Variants in SLC4A10 observed in about 807,000 individuals in gnomAD.
SLC4A10 encodes solute carrier family 4 member 10, also known as sodium-driven chloride bicarbonate exchanger.
In SLC4A10, 42 loss-of-function variants were observed where a neutral mutation model predicts 137.7. That is an observed-to-expected ratio of 0.30 (90% CI 0.24 to 0.39). The LOEUF is 0.39. Ranked by LOEUF, SLC4A10 falls within the 10% of genes least tolerant of loss-of-function variation. The pLI, the probability that SLC4A10 is intolerant of heterozygous loss-of-function variation, is 1.00. For missense variants in SLC4A10, 925 were observed against 1,355.0 expected (o/e 0.68, Z 4.98); for synonymous variants, 474 against 464.1 (o/e 1.02, Z -0.27).
chr2:161,748,686 G>A (rs1375000064), intron 1 of SLC4A10, among the ~76,000 whole-genome samples: 1 of 151,938 alleles, frequency 6.6e-6, no homozygotes, highest in Admixed American at 6.6e-5. Flanking sequence ...CTGTAGTTTT[G>A]TAATATAACT....
At chr2:161,730,748 C>T (rs1166513552) in intron 1 of SLC4A10, among the ~76,000 whole-genome samples, 3 of 152,096 alleles carry the variant, frequency 2.0e-5, no homozygotes, top group Admixed American at 2.0e-4. Context: ...AAAGGAAGAA[C>T]TAGTGTCAGT....
Position 161,872,363 on chromosome 2 carries a change from C to T in SLC4A10, c.837C>T (p.Asn279=). The change falls in exon 7 of 27, where the codon AAC becomes AAT. Residue 279 remains asparagine (N), a synonymous_variant. Coordinates refer to ENST00000446997, the MANE Select transcript of SLC4A10 (RefSeq NM_001178015.2). The part of the protein sequence containing the change: ...VENKNDVSRE[N]STVDFSKGLG... Reference sequence around the variant, plus strand: ...ATAAAAATGATGTTAGCAGAGAAAACAGCACTGTTGACTTTAGCAAGGTGA... The same window carrying T: ...ATAAAAATGATGTTAGCAGAGAAAATAGCACTGTTGACTTTAGCAAGGTGA... 1 of 1,613,488 alleles carries T rather than the reference C, an allele frequency of 6.2e-7. No individual in the cohort carries two copies. The highest frequency in any genetic ancestry group is 8.5e-7 in the Non-Finnish European group (1 of 1,179,616).
chr2:161,985,195 G>A lies in SLC4A10; in HGVS notation c.*2043G>A, dbSNP rs1003599290. On this transcript the variant is annotated 3_prime_UTR_variant, in exon 27 of 27. Transcript: ENST00000446997. ...TTTAAATAATGTGTAAATGTGACTA[G>A]GATATTGTGTTTTTCACAATTAAGA... 1 of 151,952 alleles carries A rather than the reference G, an allele frequency of 6.6e-6. No individual in the cohort carries two copies. Among genetic ancestry groups the A allele is most frequent in the Non-Finnish European group, 1.5e-5 (1 of 67,924 alleles). The allele number at this position is 151,952 out of a possible 1,614,324, so 9.4% of individuals were successfully genotyped here. A position where few individuals can be genotyped will look rare whatever the true frequency, so the allele number is the denominator to read the frequency against.
At chr2:161,917,096 G>C (rs536133645) in intron 15 of SLC4A10, among the ~76,000 whole-genome samples, 10 of 152,128 alleles carry the variant, frequency 6.6e-5, no homozygotes, top group African/African-American at 2.2e-4. Context: ...CTAAAGTTTT[G>C]CCTTTCCTAG....
At chr2:161,694,036 CAG>C (rs2042253200) in intron 1 of SLC4A10, among the ~76,000 whole-genome samples, 1 of 152,014 alleles carries the variant, frequency 6.6e-6, no homozygotes, top group African/African-American at 2.4e-5. Context: ...GAGGTCTCTT[CAG>C]AGACAACTGA....
At chr2:161,805,378 C>A (rs529403807) in intron 3 of SLC4A10, among the ~76,000 whole-genome samples, 1 of 152,136 alleles carries the variant, frequency 6.6e-6, no homozygotes, top group African/African-American at 2.4e-5. Flanking sequence ...CAAAACCAAT[C>A]GTGCCTTCCC....
intron 1 of SLC4A10, among the ~76,000 whole-genome samples, chr2:161,660,951 C>T (rs2038304957): frequency 6.6e-6 from 1 of 151,922 alleles, no homozygotes; most frequent in Non-Finnish European, 1.5e-5. Flanking sequence ...TGAGCCACCA[C>T]ACCCAGCCAT....
At chr2:161,673,832 A>T (rs1160726135) in intron 1 of SLC4A10, among the ~76,000 whole-genome samples, 1 of 152,122 alleles carries the variant, frequency 6.6e-6, no homozygotes, top group African/African-American at 2.4e-5. Flanking sequence ...TCTACTAAAA[A>T]TACAAAAATT....
chr2:161,858,090 C>A (rs1292146661), intron 5 of SLC4A10, among the ~76,000 whole-genome samples: 2 of 152,208 alleles, frequency 1.3e-5, no homozygotes, highest in Non-Finnish European at 1.5e-5. Context: ...TTTTCCTCAG[C>A]TCTTATTTAC....
intron 16 of SLC4A10, among the ~76,000 whole-genome samples, chr2:161,947,329 A>G (rs1693996978): frequency 6.6e-6 from 1 of 152,122 alleles, no homozygotes; most frequent in African/African-American, 2.4e-5. Context: ...ATCGTTTTAT[A>G]CATTTAAATT....
At chr2:161,751,196 C>T (rs1477786224) in intron 1 of SLC4A10, among the ~76,000 whole-genome samples, 3 of 151,734 alleles carry the variant, frequency 2.0e-5, no homozygotes, top group African/African-American at 7.2e-5. Flanking sequence ...CGTTTTCATT[C>T]AACTGCTCTC....
intron 1 of SLC4A10, among the ~76,000 whole-genome samples, chr2:161,708,464 A>G (rs752246147): frequency 6.6e-6 from 1 of 151,610 alleles, no homozygotes; most frequent in Admixed American, 6.6e-5. Context: ...GAAATGGGAA[A>G]TCTGAAGGAT....
chr2:161,636,707 A>G (rs1030822596), intron 1 of SLC4A10, among the ~76,000 whole-genome samples: 5 of 151,068 alleles, frequency 3.3e-5, no homozygotes, highest in African/African-American at 9.7e-5. Context: ...TATTTTTTTA[A>G]GAGACAAGGT....
intron 1 of SLC4A10, among the ~76,000 whole-genome samples, chr2:161,647,655 A>C (rs947785044): frequency 6.6e-6 from 1 of 152,326 alleles, no homozygotes; most frequent in Middle Eastern, 3.4e-3. Context: ...AAAAAGGGAA[A>C]ACTAGGTTGA....
At chr2:161,774,935 G>C (rs56374905) in intron 2 of SLC4A10, among the ~76,000 whole-genome samples, 11,056 of 151,880 alleles carry the variant, frequency 0.073, 471 homozygotes, top group East Asian at 0.15. Flanking sequence ...ACCGATAGAC[G>C]TACTTGGTAG....
chr2:161,635,727 A>T (rs908968478), intron 1 of SLC4A10, among the ~76,000 whole-genome samples: 5 of 152,162 alleles, frequency 3.3e-5, no homozygotes, highest in Admixed American at 1.3e-4. Flanking sequence ...GCTAAACTTT[A>T]ATTTTTCAGT....
intron 2 of SLC4A10, among the ~76,000 whole-genome samples, chr2:161,795,563 GTA>G (rs1389871065): frequency 6.6e-6 from 1 of 151,936 alleles, no homozygotes; most frequent in East Asian, 1.9e-4. Flanking sequence ...ATTATTATTA[GTA>G]TGTGTGTGTG....
intron 1 of SLC4A10, among the ~76,000 whole-genome samples, chr2:161,661,390 A>C (rs1246331196): frequency 1.3e-5 from 2 of 152,132 alleles, no homozygotes; most frequent in Non-Finnish European, 2.9e-5. Context: ...CAGGAGAATC[A>C]CTTGAACTGG....
rs190179982 is a variant in SLC4A10, at chr2:161,628,851, A to G, written c.48+4285A>G. On this transcript the variant is annotated intron_variant, in intron 1 of 26. Transcript: ENST00000446997. Reference sequence around the variant, plus strand: ...TTGAGTTTACTTATTTATTAATATTATGTTTATGATAAAAATATTGAGATC... The same window carrying G: ...TTGAGTTTACTTATTTATTAATATTGTGTTTATGATAAAAATATTGAGATC... Among the ~76,000 whole-genome samples the G allele has an allele frequency of 2.5e-3, 379 of 152,098 alleles. 2 individuals are homozygous for G. Among genetic ancestry groups the G allele is most frequent in the Middle Eastern group, 0.017 (5 of 292 alleles).
Sources: allele counts gnomAD v4.1 joint callset (sites outside exome capture counted in the v4.1 genomes callset), GRCh38; gene constraint gnomAD v4.1.1; transcripts MANE v1.5; gene names NCBI Gene and HGNC (gene_info 2026-07-23, HGNC 2026-07-21).